TACR1: variants seen among roughly 807,000 people sequenced by gnomAD.
The protein encoded by TACR1 is substance-P receptor.
A neutral mutation model predicts 35.8 loss-of-function variants in TACR1; 25 were observed. The ratio of observed to expected loss-of-function variants is 0.70; its 90% CI spans 0.51 to 0.98. The LOEUF (loss-of-function observed/expected upper bound fraction) is 0.98. Among genes scored for constraint, TACR1 ranks in the 50% least tolerant of loss-of-function variants. The pLI, the probability that TACR1 is intolerant of heterozygous loss-of-function variation, is 0.00. For synonymous variants in TACR1, 195 were observed against 206.7 expected (o/e 0.94, Z 0.48); for missense variants, 478 against 522.9 (o/e 0.91, Z 0.84).
intron 3 of TACR1, among the ~76,000 whole-genome samples, chr2:75,052,902 A>T (rs1573456454): frequency 6.6e-6 from 1 of 152,150 alleles, no homozygotes; most frequent in East Asian, 1.9e-4. Flanking sequence ...GAAGTTGCAA[A>T]GGTGGTGCAA....
At chr2:75,135,661 G>A (rs1674273421) in intron 1 of TACR1, among the ~76,000 whole-genome samples, 1 of 152,216 alleles carries the variant, frequency 6.6e-6, no homozygotes, top group Admixed American at 6.5e-5. Context: ...GTATTTCATG[G>A]GAGAAAGTAA....
At chr2:75,121,867 CG>C (rs1673977161) in intron 1 of TACR1, among the ~76,000 whole-genome samples, 1 of 152,154 alleles carries the variant, frequency 6.6e-6, no homozygotes, top group Non-Finnish European at 1.5e-5. Flanking sequence ...GAATGGTCAA[CG>C]GAGACTTCAA....
chr2:75,095,020 C>A (rs1292923752), intron 2 of TACR1, among the ~76,000 whole-genome samples: 1 of 151,872 alleles, frequency 6.6e-6, no homozygotes, highest in Non-Finnish European at 1.5e-5. Flanking sequence ...AACTTGACCA[C>A]TGACTGGGAG....
chr2:75,158,918 G>A (rs1199254161), intron 1 of TACR1, among the ~76,000 whole-genome samples: 1 of 152,186 alleles, frequency 6.6e-6, no homozygotes. Context: ...TCGAGCATCT[G>A]CTTCTTCATC....
Position 75,049,500 on chromosome 2 carries a change from A to G in TACR1, c.1156T>C (p.Cys386Arg). The change falls in exon 5 of 5, where the codon TGC becomes CGC. Residue 386 changes from cysteine (C) to arginine (R), a missense_variant. Physicochemically the swap from Cys to Arg is radical, Grantham distance 180. Coordinates refer to ENST00000305249, the MANE Select transcript of TACR1 (RefSeq NM_001058.4). ...GTCTTGGAGTCACTTCGTGAAGAGC[A>G]GTTGGAGGTCAGGTCCAGGGACGAG... is the stretch of plus-strand genomic sequence containing the variant. ...TPSSLDLTSNCSSRSDSKTMT... is the reference protein window; with the variant it reads ...TPSSLDLTSNRSSRSDSKTMT... The G allele has an allele frequency of 6.2e-7, 1 of 1,614,184 alleles. No individual in the cohort carries two copies. The highest frequency in any genetic ancestry group is 8.5e-7 in the Non-Finnish European group (1 of 1,179,992).
intron 2 of TACR1, among the ~76,000 whole-genome samples, chr2:75,103,202 C>T (rs1673573471): frequency 6.6e-6 from 1 of 151,948 alleles, no homozygotes; most frequent in Admixed American, 6.6e-5. Context: ...AATATCATTC[C>T]CTAATAGAAG....
chr2:75,051,184 C>T (rs770218188), intron 4 of TACR1, 67 bp downstream of exon 4: 18 of 1,606,294 alleles, frequency 1.1e-5, no homozygotes, highest in East Asian at 4.5e-5. Context: ...TTAGGATGGC[C>T]GCTTGGCCAC....
intron 2 of TACR1, among the ~76,000 whole-genome samples, chr2:75,080,813 A>G (rs1271807431): frequency 6.6e-6 from 1 of 152,222 alleles, no homozygotes; most frequent in African/African-American, 2.4e-5. Context: ...ATTGTTGTTG[A>G]TGTAATTATT....
chr2:75,130,240 T>C (rs1167798528), intron 1 of TACR1, among the ~76,000 whole-genome samples: 1 of 152,206 alleles, frequency 6.6e-6, no homozygotes, highest in Non-Finnish European at 1.5e-5. Flanking sequence ...TGCTGAAGTA[T>C]AGCAGGTAAG....
At chr2:75,110,204 G>A (rs1357497333) in intron 2 of TACR1, among the ~76,000 whole-genome samples, 1 of 151,932 alleles carries the variant, frequency 6.6e-6, no homozygotes, top group Non-Finnish European at 1.5e-5. Flanking sequence ...GGAAGACCAT[G>A]GAACAGTGTC....
chr2:75,078,183 G>A (rs1214113024), intron 2 of TACR1, among the ~76,000 whole-genome samples: 1 of 152,168 alleles, frequency 6.6e-6, no homozygotes, highest in Admixed American at 6.5e-5. Context: ...GAAGTGTGAC[G>A]ATTTTGACTA....
Position 75,107,624 on chromosome 2 carries a change from C to T in TACR1, c.584+12950G>A, listed in dbSNP as rs374064617. Among the ~76,000 whole-genome samples the T allele has an allele frequency of 1.1e-4, 17 of 151,850 alleles. No homozygotes were observed. The East Asian group carries it at 3.1e-3, about 28-fold the overall frequency. On this transcript the variant is annotated intron_variant, in intron 2 of 4. Transcript: ENST00000305249. ...ATTGGACTTAAAATTTTTCTAAATA[C>T]CTATTGAGTCAATAAAAAAATTTAG...
intron 1 of TACR1, chr2:75,187,591 G>A (rs1042140769): frequency 6.6e-6 from 1 of 152,192 alleles, no homozygotes; most frequent in Non-Finnish European, 1.5e-5. Flanking sequence ...ATACAAATGG[G>A]ACCTTGGAGG....
intron 1 of TACR1, among the ~76,000 whole-genome samples, chr2:75,153,913 A>G (rs1247050433): frequency 1.3e-5 from 2 of 152,188 alleles, no homozygotes; most frequent in Non-Finnish European, 2.9e-5. Flanking sequence ...TCCTGGAATC[A>G]CTGATGGTGG....
Position 75,093,365 on chromosome 2 carries a change from C to T in TACR1, c.584+27209G>A, listed in dbSNP as rs112957686. Among the ~76,000 whole-genome samples the T allele has an allele frequency of 9.1e-3, 1,383 of 152,306 alleles. 14 individuals carry two copies. Among genetic ancestry groups the T allele is most frequent in the African/African-American group, 0.031 (1,296 of 41,554 alleles). ...CAATGAAAGGAAGCAGAAGGCTTGT[C>T]AGTGACAGCTGTAAGCCTTGCTCTC... is the stretch of plus-strand genomic sequence containing the variant. On this transcript the variant is annotated intron_variant, in intron 2 of 4. Transcript: ENST00000305249.
chr2:75,052,791 G>T (rs999682813), intron 3 of TACR1, among the ~76,000 whole-genome samples: 1 of 151,586 alleles, frequency 6.6e-6, no homozygotes, highest in African/African-American at 2.4e-5. Context: ...GTGCAAGCTT[G>T]GGACCTGGGT....
Position 75,094,859 on chromosome 2 carries a change from A to ATAT in TACR1, c.584+25714_584+25715insATA. On this transcript the variant is annotated intron_variant, in intron 2 of 4. Transcript: ENST00000305249. The stretch of plus-strand genomic sequence containing the variant: ...GAAACATATATATATATATATATAT[A>ATAT]TTTTTTTTTTTTTTGCCCAAGATGG... 5.3e-3 allele frequency among the ~76,000 whole-genome samples: 604 copies of ATAT among 113,094 alleles called. 5 individuals carry two copies. Among genetic ancestry groups the ATAT allele is most frequent in the Non-Finnish European group, 8.5e-3 (513 of 60,408 alleles). The allele number at this position is 113,094 out of a possible 152,430, so 74.2% of individuals were successfully genotyped here.
intron 2 of TACR1, among the ~76,000 whole-genome samples, chr2:75,087,778 C>G (rs1486598333): frequency 1.3e-5 from 2 of 152,186 alleles, no homozygotes; most frequent in Non-Finnish European, 1.5e-5. Context: ...ACTGGTCTAT[C>G]CCCTTGGAAA....
intron 2 of TACR1, 149 bp downstream of exon 2, chr2:75,120,425 C>G: frequency 1.6e-6 from 1 of 642,546 alleles, no homozygotes; most frequent in Non-Finnish European, 2.6e-6. Flanking sequence ...ACATATCAAC[C>G]TGATATGAGG....
Sources: allele counts gnomAD v4.1 joint callset (sites outside exome capture counted in the v4.1 genomes callset), GRCh38; gene constraint gnomAD v4.1.1; transcripts MANE v1.5; gene names NCBI Gene and HGNC (gene_info 2026-07-23, HGNC 2026-07-21).